The following MYL4 variants were observed in gnomAD, a reference collection of about 807,000 sequenced individuals.
MYL4 encodes myosin light chain 4.
Under a neutral mutation model 21.6 loss-of-function variants are expected in MYL4, and 16 were observed. That is an observed-to-expected ratio of 0.74 (90% CI 0.50 to 1.12). MYL4 has a LOEUF of 1.12. Ranked by LOEUF, MYL4 falls within the 50% of genes most tolerant of loss-of-function variation. The probability of loss-of-function intolerance (pLI) is 0.00; values close to 1 mark genes in which losing one functional copy is unlikely to be tolerated. For missense variants in MYL4, 249 were observed against 252.9 expected (o/e 0.98, Z 0.11); for synonymous variants, 82 against 95.7 (o/e 0.86, Z 0.83).
At chr17:47,203,353 T>C (rs2064716237) in intron 1 of MYL4, among the ~76,000 whole-genome samples, 1 of 152,212 alleles carries the variant, frequency 6.6e-6, no homozygotes, top group Non-Finnish European at 1.5e-5. Context: ...GCCCTCTTTT[T>C]TCTTCTGGGA....
Position 47,209,734 on chromosome 17 carries a change from T to C in MYL4, c.135+177T>C, listed in dbSNP as rs1461810048. 9.0e-6 allele frequency: 8 copies of C among 893,120 alleles called. No homozygotes were observed. The East Asian group carries it at 1.7e-4, about 19-fold the overall frequency. 55.3% of individuals were successfully genotyped at this position (893,120 alleles called of 1,614,324 possible). ...GGTGTTGGGGCTGATGAGGGGGAGA[T>C]TGAGTCATAAACCTTTTCCGTCAAG... On this transcript the variant is annotated intron_variant, in intron 1 of 6. Coordinates refer to ENST00000393450, the MANE Select transcript of MYL4 (RefSeq NM_002476.2).
At chr17:47,227,369 C>T (rs1426688624), downstream of MYL4, among the ~76,000 whole-genome samples, 14 of 152,228 alleles carry the variant, frequency 9.2e-5, no homozygotes, top group Admixed American at 9.2e-4. Context: ...AAATAAAGTT[C>T]ACGATTTTCT....
At chr17:47,209,122 C>T, upstream of MYL4, 2 of 507,796 alleles carry the variant, frequency 3.9e-6, no homozygotes, top group East Asian at 3.7e-5. Flanking sequence ...TGGGTTTCCA[C>T]CAATTGGCAA....
At chr17:47,200,334 A>T (rs1311327700), upstream of MYL4, 1 of 152,108 alleles carries the variant, frequency 6.6e-6, no homozygotes, top group African/African-American at 2.4e-5. Context: ...AGAGATACCC[A>T]TGCTGTGGGT....
intron 2 of MYL4, among the ~76,000 whole-genome samples, chr17:47,216,242 A>T (rs1238210629): frequency 6.6e-6 from 1 of 151,590 alleles, no homozygotes; most frequent in African/African-American, 2.4e-5. Flanking sequence ...ACTACTGCAG[A>T]TTATTGAGGA....
chr17:47,191,631 C>T, the MYL4 span, among the ~76,000 whole-genome samples: 110 of 152,166 alleles, frequency 7.2e-4, no homozygotes, highest in African/African-American at 2.1e-3. Flanking sequence ...CCACCACGCC[C>T]GGTTAATTTT....
At chr17:47,200,735 C>T (rs2064706212) in intron 1 of MYL4, 1 of 152,324 alleles carries the variant, frequency 6.6e-6, no homozygotes, top group African/African-American at 2.4e-5. Context: ...GGATTCAGTT[C>T]ACACATATGT....
chr17:47,212,618 G>A (rs1055499080), intron 1 of MYL4, among the ~76,000 whole-genome samples: 9 of 152,230 alleles, frequency 5.9e-5, no homozygotes, highest in Non-Finnish European at 1.0e-4. Context: ...ACAATGAGCC[G>A]AGCAGAGGAG....
intron 2 of MYL4, among the ~76,000 whole-genome samples, chr17:47,219,602 G>A (rs547729032): frequency 8.1e-4 from 123 of 152,054 alleles, no homozygotes; most frequent in African/African-American, 2.9e-3. Flanking sequence ...TCTGCCTCCC[G>A]AGCTCAAGCG....
Position 47,223,672 on chromosome 17 carries a change from GATT to G in MYL4, c.*180_*182del, listed in dbSNP as rs2064874063. The G allele has an allele frequency of 6.6e-6, 1 of 152,256 alleles. No individual in the cohort carries two copies. Among genetic ancestry groups the G allele is most frequent in the South Asian group, 2.1e-4 (1 of 4,824 alleles). 9.4% of individuals were successfully genotyped at this position (152,256 alleles called of 1,614,324 possible). ...CTAACACGGCCAGGCTGGGCTCTGG[GATT>G]CTGACCAGTCTCTGTTTTGTTTGTT... On this transcript the variant is annotated 3_prime_UTR_variant, in exon 7 of 7. Transcript: ENST00000393450.
chr17:47,202,080 C>T (rs2064711660), intron 1 of MYL4, among the ~76,000 whole-genome samples: 1 of 152,078 alleles, frequency 6.6e-6, no homozygotes, highest in African/African-American at 2.4e-5. Context: ...CCACCTCCGG[C>T]ATTCAAGTGA....
At chr17:47,212,613 G>A (rs1342937307) in intron 1 of MYL4, among the ~76,000 whole-genome samples, 1 of 152,264 alleles carries the variant, frequency 6.6e-6, no homozygotes, top group Non-Finnish European at 1.5e-5. Context: ...TGGCAACAAT[G>A]AGCCGAGCAG....
At chr17:47,197,812 A>G (rs997256904), upstream of MYL4, among the ~76,000 whole-genome samples, 4 of 152,236 alleles carry the variant, frequency 2.6e-5, no homozygotes, top group Non-Finnish European at 4.4e-5. Context: ...GGTGTATTAA[A>G]TGCATTTTTG....
the MYL4 span, among the ~76,000 whole-genome samples, chr17:47,194,078 C>T: frequency 6.6e-6 from 1 of 152,320 alleles, no homozygotes. Flanking sequence ...CCCAGTTTCT[C>T]ATCTACAAAT....
At chr17:47,191,107 A>G in the MYL4 span, among the ~76,000 whole-genome samples, 1 of 152,226 alleles carries the variant, frequency 6.6e-6, no homozygotes, top group Non-Finnish European at 1.5e-5. Flanking sequence ...AGAAGCTGTG[A>G]GGTCCCTTAG....
upstream of MYL4, among the ~76,000 whole-genome samples, chr17:47,205,885 T>C (rs182410308): frequency 2.6e-3 from 403 of 152,258 alleles, 5 homozygotes; most frequent in Middle Eastern, 0.01. Context: ...ATCCCACACC[T>C]TAAAATCCCT....
chr17:47,210,334 T>C (rs73329112), intron 1 of MYL4, among the ~76,000 whole-genome samples: 2 of 152,174 alleles, frequency 1.3e-5, no homozygotes, highest in Non-Finnish European at 2.9e-5. Context: ...TCAGTCATTT[T>C]AGACCTCCCA....
At chr17:47,226,600 T>C (rs976787699), downstream of MYL4, among the ~76,000 whole-genome samples, 2 of 152,246 alleles carry the variant, frequency 1.3e-5, no homozygotes, top group African/African-American at 2.4e-5. Flanking sequence ...TTAATTAAGA[T>C]TATATTTGGC....
chr17:47,226,213 T>G (rs115004906), downstream of MYL4, among the ~76,000 whole-genome samples: 305 of 152,306 alleles, frequency 2.0e-3, 1 homozygote, highest in African/African-American at 5.6e-3. Flanking sequence ...CCAAATAGCA[T>G]AGGGATAACT....
Sources: allele counts gnomAD v4.1 joint callset (sites outside exome capture counted in the v4.1 genomes callset), GRCh38; gene constraint gnomAD v4.1.1; transcripts MANE v1.5; gene names NCBI Gene and HGNC (gene_info 2026-07-23, HGNC 2026-07-21).